Variants in SHF observed in about 807,000 individuals in gnomAD.
The protein encoded by SHF is SH2 domain-containing adapter protein F.
In SHF, 30 loss-of-function variants were observed where a neutral mutation model predicts 42.4. The observed-to-expected ratio is 0.71, with a 90% confidence interval of 0.53 to 0.96. The LOEUF (loss-of-function observed/expected upper bound fraction) is 0.96. Ranked by LOEUF, SHF falls within the 40% of genes least tolerant of loss-of-function variation. The pLI is 0.00. For missense variants in SHF, 598 were observed against 634.0 expected (o/e 0.94, Z 0.61); for synonymous variants, 264 against 269.9 (o/e 0.98, Z 0.21).
At chr15:45,178,024 A>G in intron 2 of SHF, 141 bp downstream of exon 2, 1 of 1,161,480 alleles carries the variant, frequency 8.6e-7, no homozygotes. Context: ...AAAGGCAATG[A>G]CCATCCTCCC....
chr15:45,197,933 T>C (rs1898917746), intron 2 of SHF, among the ~76,000 whole-genome samples: 1 of 151,894 alleles, frequency 6.6e-6, no homozygotes, highest in Non-Finnish European at 1.5e-5. Flanking sequence ...TATAAATATA[T>C]ATTCATACAA....
At chr15:45,181,796 A>T (rs931135065) in intron 1 of SHF, among the ~76,000 whole-genome samples, 1 of 152,262 alleles carries the variant, frequency 6.6e-6, no homozygotes, top group Non-Finnish European at 1.5e-5. Context: ...TTTGGGGAAG[A>T]CACCTAAAAC....
chr15:45,190,917 A>G (rs796853503), upstream of SHF, among the ~76,000 whole-genome samples: 3 of 152,334 alleles, frequency 2.0e-5, no homozygotes, highest in African/African-American at 7.2e-5. Context: ...ACTTTCCTCC[A>G]TTACCAGAGT....
intron 1 of SHF, among the ~76,000 whole-genome samples, chr15:45,182,052 C>G (rs554444525): frequency 4.6e-5 from 7 of 152,302 alleles, no homozygotes; most frequent in African/African-American, 1.7e-4. Context: ...GGCATTACCC[C>G]TCCCAGAGCA....
intron 6 of SHF, among the ~76,000 whole-genome samples, chr15:45,168,472 C>G (rs1486429262): frequency 1.3e-5 from 2 of 152,230 alleles, no homozygotes; most frequent in Non-Finnish European, 2.9e-5. Flanking sequence ...GGCCCTCCAG[C>G]CTCTGTGGCC....
In SHF at chr15:45,173,714, C is replaced by G. The variant is rs961336140; in HGVS notation, c.850G>C (p.Asp284His). 1 of 1,551,654 alleles carries G rather than the reference C, an allele frequency of 6.4e-7. No homozygotes were observed. The highest frequency in any genetic ancestry group is 1.4e-5 in the African/African-American group (1 of 73,028). ...GGTAGGTCTTTGATGACCTTAATGT[C>G]AACTGGAGCCAGCAGCAGAAGTGAG... is the stretch of plus-strand genomic sequence containing the variant. ...KERISKAFAV[D>H]IKVIKDLPWP... The change falls in exon 4 of 7, where the codon GAC (aspartate) becomes CAC (histidine). Residue 284 changes from aspartate to histidine, a missense_variant and splice_region_variant. By Grantham distance (81) the Asp-to-His change is moderately conservative. Coordinates refer to ENST00000690270, the MANE Select transcript of SHF (RefSeq NM_001394037.1).
At chr15:45,171,818 G>T in intron 6 of SHF, 65 bp downstream of exon 6, 1 of 1,549,258 alleles carries the variant, frequency 6.5e-7, no homozygotes, top group Non-Finnish European at 8.8e-7. Flanking sequence ...TTGGGCATAA[G>T]GGGAATACTG....
At chr15:45,197,640 T>A (rs1032790681) in intron 2 of SHF, among the ~76,000 whole-genome samples, 1 of 152,128 alleles carries the variant, frequency 6.6e-6, no homozygotes, top group Non-Finnish European at 1.5e-5. Context: ...CTTTCCCCTA[T>A]CTTACCAACA....
At chr15:45,190,730 G>A (rs1271385372), upstream of SHF, among the ~76,000 whole-genome samples, 1 of 152,106 alleles carries the variant, frequency 6.6e-6, no homozygotes, top group African/African-American at 2.4e-5. Context: ...CAAAGGCATA[G>A]AGGTGGGAAC....
intron 5 of SHF, 51 bp from the exon 6 acceptor site, chr15:45,172,053 C>G: frequency 1.9e-6 from 3 of 1,613,850 alleles, no homozygotes; most frequent in Non-Finnish European, 2.5e-6. Context: ...CCCTCGCTGT[C>G]CAGGCCCACC....
At chr15:45,199,004 C>A (rs1426085692) in exon 2 of SHF, 1 of 1,610,982 alleles carries the variant, frequency 6.2e-7, no homozygotes. Context: ...CCCCGGAGAC[C>A]CTTGCCGCGA....
rs372309031 is a variant in SHF at position 45,167,984 on chromosome 15, A to G, written c.1430T>C (p.Met477Thr). The change falls in exon 7 of 7, where the codon ATG becomes ACG. Residue 477 changes from methionine (M) to threonine (T), a missense_variant. Around this residue, in one of 2 missense-constraint regions of SHF, gnomAD observed 439 missense variants for 524.6 expected, o/e 0.84. Coordinates refer to ENST00000690270, the MANE Select transcript of SHF (RefSeq NM_001394037.1). Reference protein sequence around the residue: ...RKLPIKGAEHMSLLYPVAIRT... With the variant: ...RKLPIKGAEHTSLLYPVAIRT... The stretch of plus-strand genomic sequence containing the variant: ...GATGGCCACAGGGTAGAGCAGGGAC[A>G]TGTGTTCGGCTCCCTTAATGGGTAG... 8 of 1,612,784 alleles carry G rather than the reference A, an allele frequency of 5.0e-6. No homozygotes were observed. The highest frequency in any genetic ancestry group is 6.8e-6 in the Non-Finnish European group (8 of 1,179,340).
At chr15:45,184,728 G>A (rs1326187148) in intron 1 of SHF, among the ~76,000 whole-genome samples, 2 of 152,264 alleles carry the variant, frequency 1.3e-5, no homozygotes, top group South Asian at 2.1e-4. Flanking sequence ...GCAAAGCAAG[G>A]GGCCCAGCTC....
intron 1 of SHF, among the ~76,000 whole-genome samples, chr15:45,186,482 C>A (rs935238648): frequency 1.3e-5 from 2 of 152,238 alleles, no homozygotes; most frequent in Non-Finnish European, 2.9e-5. Context: ...GACAGCAGAG[C>A]CAAGGCAGCC....
intron 4 of SHF, among the ~76,000 whole-genome samples, chr15:45,172,873 A>G (rs948720854): frequency 2.6e-5 from 4 of 151,146 alleles, no homozygotes; most frequent in African/African-American, 9.7e-5. Flanking sequence ...CCCCTCCCCA[A>G]CCCACAGAGG....
At chr15:45,173,839 G>T in intron 3 of SHF, 123 bp from the exon 4 acceptor site, 1 of 1,071,614 alleles carries the variant, frequency 9.3e-7, no homozygotes, top group Non-Finnish European at 1.4e-6. Flanking sequence ...GAGGGGCAGA[G>T]GCAGAGGCAG....
intron 6 of SHF, chr15:45,171,647 C>T: frequency 1.8e-6 from 1 of 569,632 alleles, no homozygotes; most frequent in South Asian, 2.2e-5. Context: ...GGGGGCCAGG[C>T]CACACAACTA....
chr15:45,172,693 A>G (rs1897572243), intron 4 of SHF, among the ~76,000 whole-genome samples: 1 of 152,138 alleles, frequency 6.6e-6, no homozygotes, highest in African/African-American at 2.4e-5. Flanking sequence ...TCCTCCTCAG[A>G]GTTCATTACC....
chr15:45,188,246 G>A (rs554849603), upstream of SHF, among the ~76,000 whole-genome samples: 46 of 152,306 alleles, frequency 3.0e-4, 1 homozygote, highest in Non-Finnish European at 6.8e-4. Flanking sequence ...TCCCCTGTGG[G>A]GAGCGCATCC....
Sources: gnomAD v4.1 joint callset for allele counts (sites outside exome capture counted in the v4.1 genomes callset) on GRCh38, gnomAD v4.1.1 for gene constraint, gnomAD v4.1.1 regional missense constraint, MANE v1.5 for transcripts, NCBI Gene and HGNC (gene_info 2026-07-23, HGNC 2026-07-21) for gene names.